The following RABGAP1L variants were observed in gnomAD, a reference collection of about 807,000 sequenced individuals.
RABGAP1L encodes the protein rab GTPase-activating protein 1-like.
In RABGAP1L, 63 loss-of-function variants were observed where a neutral mutation model predicts 137.7. The ratio of observed to expected loss-of-function variants is 0.46; its 90% CI spans 0.37 to 0.56. RABGAP1L has a LOEUF of 0.56. Among genes scored for constraint, RABGAP1L ranks in the 20% least tolerant of loss-of-function variants. RABGAP1L has a pLI of 0.00. For synonymous variants in RABGAP1L, 431 were observed against 433.7 expected, an observed-to-expected ratio of 0.99 and a Z score of 0.08; for missense variants, 1,095 against 1,244.0, an observed-to-expected ratio of 0.88 and a Z score of 1.80.
chr1:174,808,904 G>A (rs746128187), intron 18 of RABGAP1L, among the ~76,000 whole-genome samples: 1 of 151,930 alleles, frequency 6.6e-6, no homozygotes, highest in African/African-American at 2.4e-5. Flanking sequence ...TGATCCACCC[G>A]CCTCGGCCTC....
chr1:174,699,731 T>G lies in RABGAP1L; in HGVS notation c.2025+81T>G, dbSNP rs1031614246. The stretch of plus-strand genomic sequence containing the variant: ...GCCTAATAGAGTTGGTAAGCAATAA[T>G]GAATTATAGAAGTTTAATGGAATAT... On this transcript the variant is annotated intron_variant, in intron 16 of 25. Coordinates refer to ENST00000681986, the MANE Select transcript of RABGAP1L (RefSeq NM_001366446.1). 2.2e-6 allele frequency: 3 copies of G among 1,336,508 alleles called. No individual in the cohort carries two copies. The African/African-American group carries it at 4.4e-5, about 20-fold the overall frequency. The allele number at this position is 1,336,508 out of a possible 1,614,324, so 82.8% of individuals were successfully genotyped here.
chr1:174,880,363 G>A (rs1197184671), intron 19 of RABGAP1L, among the ~76,000 whole-genome samples: 2 of 151,826 alleles, frequency 1.3e-5, no homozygotes, highest in Non-Finnish European at 2.9e-5. Context: ...CACGTGCTGT[G>A]ACTCATGCCT....
At chr1:174,986,793 T>C (rs1054920712) in intron 24 of RABGAP1L, among the ~76,000 whole-genome samples, 14 of 152,254 alleles carry the variant, frequency 9.2e-5, no homozygotes, top group African/African-American at 3.4e-4. Flanking sequence ...CACATGGTGG[T>C]GTTCTCTTTG....
chr1:174,470,772 GA>G (rs145995375), intron 13 of RABGAP1L, among the ~76,000 whole-genome samples: 6 of 149,390 alleles, frequency 4.0e-5, no homozygotes, highest in African/African-American at 1.5e-4. Context: ...TGTCTGACTG[GA>G]AAAAAAAAAT....
At chr1:174,975,365 C>T (rs1025609676) in intron 21 of RABGAP1L, among the ~76,000 whole-genome samples, 1 of 152,252 alleles carries the variant, frequency 6.6e-6, no homozygotes, top group South Asian at 2.1e-4. Flanking sequence ...AACTTGAAGC[C>T]GAGGCCTAAA....
intron 17 of RABGAP1L, among the ~76,000 whole-genome samples, chr1:174,716,717 G>C (rs1681047836): frequency 6.6e-6 from 1 of 151,890 alleles, no homozygotes. Context: ...TTTGCTTCTT[G>C]TCCTCATCCT....
At chr1:174,334,310 T>G (rs543810702) in intron 11 of RABGAP1L, among the ~76,000 whole-genome samples, 19 of 152,280 alleles carry the variant, frequency 1.2e-4, no homozygotes, top group Middle Eastern at 3.4e-3. Context: ...CTGTACTGGA[T>G]TATTGTGATA....
intron 19 of RABGAP1L, among the ~76,000 whole-genome samples, chr1:174,854,715 C>CTTTTTTTTTT (rs71117584): frequency 1.9e-4 from 11 of 56,858 alleles, no homozygotes; most frequent in Admixed American, 4.9e-4. Context: ...AATATAAATG[C>CTTTTTTTTTT]TTTTTTTTTT....
intron 19 of RABGAP1L, among the ~76,000 whole-genome samples, chr1:174,847,356 C>T (rs146397359): frequency 0.077 from 11,592 of 151,218 alleles, 670 homozygotes; most frequent in East Asian, 0.31. Flanking sequence ...GATTTTGCAG[C>T]GGCTGGTACC....
chr1:174,520,542 C>G (rs1663271546), intron 13 of RABGAP1L, among the ~76,000 whole-genome samples: 1 of 152,210 alleles, frequency 6.6e-6, no homozygotes, highest in Non-Finnish European at 1.5e-5. Context: ...CAACATAACT[C>G]TACTTCACAT....
intron 13 of RABGAP1L, among the ~76,000 whole-genome samples, chr1:174,502,651 CATAT>C (rs201826511): frequency 4.5e-5 from 6 of 133,576 alleles, no homozygotes; most frequent in African/African-American, 1.7e-4. Flanking sequence ...TATATATGTA[CATAT>C]ATATGTGTGT....
intron 18 of RABGAP1L, among the ~76,000 whole-genome samples, chr1:174,778,699 A>G (rs533994661): frequency 5.5e-4 from 83 of 152,010 alleles, no homozygotes; most frequent in Non-Finnish European, 1.0e-3. Flanking sequence ...GGTTCAAGCG[A>G]TTCTCCTGCC....
intron 1 of RABGAP1L, among the ~76,000 whole-genome samples, chr1:174,185,925 C>T (rs1344381864): frequency 6.6e-6 from 1 of 152,136 alleles, no homozygotes; most frequent in Non-Finnish European, 1.5e-5. Flanking sequence ...GGGCGGATCA[C>T]CTAAGGTCGG....
At chr1:174,254,393 C>T (rs1047157005) in intron 7 of RABGAP1L, among the ~76,000 whole-genome samples, 33 of 152,172 alleles carry the variant, frequency 2.2e-4, no homozygotes, top group Non-Finnish European at 1.8e-4. Context: ...CGTAGGTATA[C>T]CTGTGCCATG....
chr1:174,190,401 AT>A (rs1052710053), intron 1 of RABGAP1L, among the ~76,000 whole-genome samples: 11 of 151,196 alleles, frequency 7.3e-5, no homozygotes, highest in Non-Finnish European at 2.9e-5. Context: ...GTAAGAAATC[AT>A]TTTTTTTTAT....
intron 19 of RABGAP1L, among the ~76,000 whole-genome samples, chr1:174,949,324 G>T (rs978685896): frequency 5.9e-5 from 9 of 152,356 alleles, no homozygotes; most frequent in African/African-American, 2.2e-4. Context: ...TGAACATGGG[G>T]AGTCCACTTT....
At chr1:174,635,055 A>T (rs1362013391) in intron 13 of RABGAP1L, among the ~76,000 whole-genome samples, 1 of 151,112 alleles carries the variant, frequency 6.6e-6, no homozygotes. Context: ...TAATAATAAA[A>T]TAAAAAAATA....
intron 13 of RABGAP1L, among the ~76,000 whole-genome samples, chr1:174,433,123 A>T (rs1445590198): frequency 6.6e-6 from 1 of 152,226 alleles, no homozygotes; most frequent in Non-Finnish European, 1.5e-5. Context: ...CATTTTAAAG[A>T]TAGAAGCTGA....
At chr1:174,228,308 C>A (rs937703161) in intron 3 of RABGAP1L, among the ~76,000 whole-genome samples, 1 of 151,952 alleles carries the variant, frequency 6.6e-6, no homozygotes. Flanking sequence ...TTGGCCTCCT[C>A]TTTTCTCTTT....
Sources: allele counts gnomAD v4.1 joint callset (sites outside exome capture counted in the v4.1 genomes callset), GRCh38; gene constraint gnomAD v4.1.1; transcripts MANE v1.5; gene names NCBI Gene and HGNC (gene_info 2026-07-23, HGNC 2026-07-21).